The following LMX1B variants were observed in gnomAD, a reference collection of about 807,000 sequenced individuals.
The protein encoded by LMX1B is LIM homeobox transcription factor 1-beta.
LMX1B carries 12 observed loss-of-function variants against 51.4 expected under a neutral mutation model. The ratio of observed to expected loss-of-function variants is 0.23; its 90% CI spans 0.15 to 0.38. LMX1B has a LOEUF of 0.38. Ranked by LOEUF, LMX1B falls within the 10% of genes least tolerant of loss-of-function variation. LMX1B has a pLI of 1.00. For missense variants in LMX1B, 445 were observed against 571.1 expected, an observed-to-expected ratio of 0.78 and a Z score of 2.25; for synonymous variants, 237 against 235.4, an observed-to-expected ratio of 1.01 and a Z score of -0.06.
intron 2 of LMX1B, among the ~76,000 whole-genome samples, chr9:126,643,353 A>T (rs999862458): frequency 6.6e-6 from 1 of 152,116 alleles, no homozygotes; most frequent in African/African-American, 2.4e-5. Context: ...AGCAGAACAG[A>T]TGAATGGGGA....
At chr9:126,652,151 C>G (rs1027917878) in intron 2 of LMX1B, among the ~76,000 whole-genome samples, 4 of 152,130 alleles carry the variant, frequency 2.6e-5, no homozygotes, top group Non-Finnish European at 4.4e-5. Flanking sequence ...GCAGCTCTCC[C>G]GATTGAAACC....
chr9:126,668,901 G>T (rs1836396064), intron 2 of LMX1B, among the ~76,000 whole-genome samples: 1 of 152,226 alleles, frequency 6.6e-6, no homozygotes, highest in Non-Finnish European at 1.5e-5. Flanking sequence ...TCTGGAACCT[G>T]GCTCTTTGTA....
At chr9:126,669,940 G>C (rs1266871845) in intron 2 of LMX1B, among the ~76,000 whole-genome samples, 4 of 152,188 alleles carry the variant, frequency 2.6e-5, no homozygotes, top group African/African-American at 9.7e-5. Flanking sequence ...GGGGGTAGGA[G>C]AGAAATGAAG....
chr9:126,644,464 T>A (rs1173919246), intron 2 of LMX1B, among the ~76,000 whole-genome samples: 1 of 152,162 alleles, frequency 6.6e-6, no homozygotes, highest in Non-Finnish European at 1.5e-5. Context: ...CTCCCTTCTC[T>A]AGGACGGGGG....
In LMX1B at chr9:126,618,830, C is replaced by G. The variant is rs2118832127; in HGVS notation, c.326+3261C>G. Among the ~76,000 whole-genome samples the G allele has an allele frequency of 6.6e-6, 1 of 152,182 alleles. No individual in the cohort carries two copies. The highest frequency in any genetic ancestry group is 2.1e-4 in the South Asian group (1 of 4,812). The stretch of plus-strand genomic sequence containing the variant: ...TCGGTGGGAGAGTCCAAAAATCTGT[C>G]ACAAAATGGAGTCTAATCGCTTGTA... On this transcript the variant is annotated intron_variant, in intron 2 of 7. Coordinates refer to ENST00000373474, the MANE Select transcript of LMX1B (RefSeq NM_001174147.2). The surrounding 1 kb of genome is among the most constrained non-coding windows in gnomAD (Gnocchi z 4.5).
At chr9:126,674,324 G>A (rs1836515658) in intron 2 of LMX1B, among the ~76,000 whole-genome samples, 1 of 152,156 alleles carries the variant, frequency 6.6e-6, no homozygotes, top group African/African-American at 2.4e-5. Flanking sequence ...GTTACTGCCA[G>A]GCTTTCTCAG....
At chr9:126,672,828 A>T (rs2118949002) in intron 2 of LMX1B, among the ~76,000 whole-genome samples, 1 of 152,278 alleles carries the variant, frequency 6.6e-6, no homozygotes, top group Non-Finnish European at 1.5e-5. Flanking sequence ...GCCTGGCAGG[A>T]GCTTCCCTCC....
chr9:126,649,445 A>G (rs1422491207), intron 2 of LMX1B, among the ~76,000 whole-genome samples: 1 of 152,104 alleles, frequency 6.6e-6, no homozygotes, highest in East Asian at 1.9e-4. Context: ...AGAGTTCTCC[A>G]ACTCAAGCAG....
At position 126,614,014 on chromosome 9, in the gene LMX1B, T is replaced by TGCGCCCCGCCCGGGACCCCGCTGCGCCGC; in HGVS notation, c.-428_-400dup. Among the ~76,000 whole-genome samples the TGCGCCCCGCCCGGGACCCCGCTGCGCCGC allele has an allele frequency of 7.4e-6, 1 of 135,168 alleles. No individual in the cohort carries two copies. Among genetic ancestry groups the TGCGCCCCGCCCGGGACCCCGCTGCGCCGC allele is most frequent in the Admixed American group, 7.2e-5 (1 of 13,960 alleles). 88.7% of individuals were successfully genotyped at this position (135,168 alleles called of 152,430 possible). On this transcript the variant is annotated 5_prime_UTR_variant, in exon 1 of 8. Coordinates refer to ENST00000373474, the MANE Select transcript of LMX1B (RefSeq NM_001174147.2). ...GCGCGCCCGGAGCCCCGCGGCCCGC[T>TGCGCCCCGCCCGGGACCCCGCTGCGCCGC]GCGCCCCGCCCGGGACCCCGCTGCG...
chr9:126,644,458 C>T (rs1835863769), intron 2 of LMX1B, among the ~76,000 whole-genome samples: 1 of 152,152 alleles, frequency 6.6e-6, no homozygotes, highest in African/African-American at 2.4e-5. Context: ...AACTGGCTCC[C>T]TTCTCTAGGA....
chr9:126,673,791 G>A lies in LMX1B; in HGVS notation c.327-17045G>A, dbSNP rs1201128962. ...TTGTGCAGGGGTGGTGGGAGGGGCC[G>A]GGGTGGAGGGCGCATCCCCACGGGG... On this transcript the variant is annotated intron_variant, in intron 2 of 7. Coordinates refer to ENST00000373474, the MANE Select transcript of LMX1B (RefSeq NM_001174147.2). This position sits in a 1 kb window ranked among gnomAD's most constrained non-coding sequence, Gnocchi z 4.4. Among the ~76,000 whole-genome samples the A allele has an allele frequency of 6.6e-6, 1 of 152,172 alleles. No homozygotes were observed. The highest frequency in any genetic ancestry group is 1.5e-5 in the Non-Finnish European group (1 of 68,008).
chr9:126,677,048 C>T lies in LMX1B; in HGVS notation c.327-13788C>T, dbSNP rs985534192. Among the ~76,000 whole-genome samples, 9 of 152,248 alleles carry T rather than the reference C, an allele frequency of 5.9e-5. No individual in the cohort carries two copies. The highest frequency in any genetic ancestry group is 3.4e-3 in the Middle Eastern group (1 of 294). On this transcript the variant is annotated intron_variant, in intron 2 of 7. Coordinates refer to ENST00000373474, the MANE Select transcript of LMX1B (RefSeq NM_001174147.2). The surrounding 1 kb of genome is among the most constrained non-coding windows in gnomAD (Gnocchi z 5.0). ...TCAGGCAGGCAGCGGGCGGCTGGGG[C>T]GGGGCATGGGGCGATCAGTTACCCA...
At chr9:126,653,157 T>G (rs1226451501) in intron 2 of LMX1B, among the ~76,000 whole-genome samples, 7 of 139,636 alleles carry the variant, frequency 5.0e-5, no homozygotes, top group Non-Finnish European at 7.8e-5. Context: ...TTTTTTTTTT[T>G]TTTTTTTTTT....
At chr9:126,665,040 G>A (rs768576379) in intron 2 of LMX1B, among the ~76,000 whole-genome samples, 1 of 152,252 alleles carries the variant, frequency 6.6e-6, no homozygotes, top group African/African-American at 2.4e-5. Context: ...CGTCCTTAGC[G>A]CTGTGCTTGC....
intron 3 of LMX1B, 22 bp downstream of exon 3, chr9:126,691,090 G>A (rs1466684626): frequency 1.3e-6 from 2 of 1,585,288 alleles, no homozygotes; most frequent in Admixed American, 3.5e-5. Context: ...CCTGAGCTGG[G>A]GGCAGGCCTC....
At position 126,698,785 on chromosome 9, in the gene LMX1B, G is replaced by T. The variant is rs917773101; in HGVS notation, c.*2334G>T. ...TCCTCTAAGTTCAACCTGTTCTGTG[G>T]TTTTGCTCCCGTTTGCTGGGAAATT... On this transcript the variant is annotated 3_prime_UTR_variant, in exon 8 of 8. Coordinates refer to ENST00000373474, the MANE Select transcript of LMX1B (RefSeq NM_001174147.2). 3 of 152,458 alleles carry T rather than the reference G, an allele frequency of 2.0e-5. No homozygotes were observed. The highest frequency in any genetic ancestry group is 7.2e-5 in the African/African-American group (3 of 41,452). The allele number at this position is 152,458 out of a possible 1,614,324, so 9.4% of individuals were successfully genotyped here.
intron 2 of LMX1B, among the ~76,000 whole-genome samples, chr9:126,631,449 G>T (rs952632707): frequency 6.6e-6 from 1 of 152,124 alleles, no homozygotes; most frequent in African/African-American, 2.4e-5. Flanking sequence ...GGTCTGGGCT[G>T]CTGATTCCCA....
intron 2 of LMX1B, among the ~76,000 whole-genome samples, chr9:126,651,203 C>G (rs560566024): frequency 6.6e-6 from 1 of 152,070 alleles, no homozygotes; most frequent in Non-Finnish European, 1.5e-5. Context: ...ACTGATCCTC[C>G]TCCATCCCGG....
chr9:126,616,111 A>G (rs1247218825), intron 2 of LMX1B, among the ~76,000 whole-genome samples: 3 of 152,224 alleles, frequency 2.0e-5, no homozygotes, highest in African/African-American at 7.2e-5. Flanking sequence ...AAGAATGTCC[A>G]TATTCCCCAA....
Sources: gnomAD v4.1 joint callset for allele counts (sites outside exome capture counted in the v4.1 genomes callset) on GRCh38, gnomAD v4.1.1 for gene constraint, Gnocchi (gnomAD v3.1) non-coding constraint, MANE v1.5 for transcripts, NCBI Gene and HGNC (gene_info 2026-07-23, HGNC 2026-07-21) for gene names.